The following CREB5 variants were observed in gnomAD, a reference collection of about 807,000 sequenced individuals.
CREB5 encodes cAMP responsive element binding protein 5, also known as cyclic AMP-responsive element-binding protein 5.
In CREB5, 19 loss-of-function variants were observed where a neutral mutation model predicts 57.1. The ratio of observed to expected loss-of-function variants is 0.33; its 90% CI spans 0.23 to 0.49. The LOEUF (loss-of-function observed/expected upper bound fraction) is 0.49. CREB5 is among the 20% of genes least tolerant of loss of function. CREB5 has a pLI of 0.99. For missense variants in CREB5, 579 were observed against 671.6 expected, an observed-to-expected ratio of 0.86 and a Z score of 1.52; for synonymous variants, 238 against 238.3, an observed-to-expected ratio of 1.00 and a Z score of 0.01.
chr7:28,330,670 A>C (rs887499948), intron 1 of CREB5, among the ~76,000 whole-genome samples: 1 of 151,222 alleles, frequency 6.6e-6, no homozygotes, highest in African/African-American at 2.4e-5. Context: ...CTCCCAGCTG[A>C]AGGGCAGGTT....
At chr7:28,802,455 C>A (rs1303756103) in intron 7 of CREB5, among the ~76,000 whole-genome samples, 1 of 152,088 alleles carries the variant, frequency 6.6e-6, no homozygotes, top group African/African-American at 2.4e-5. Flanking sequence ...AGCATAGTAG[C>A]TTTGATCGTC....
At chr7:28,811,992 G>T (rs1809147263) in intron 9 of CREB5, among the ~76,000 whole-genome samples, 1 of 152,166 alleles carries the variant, frequency 6.6e-6, no homozygotes, top group Middle Eastern at 3.2e-3. Context: ...ATCATTCTTT[G>T]TTGTGCCCTG....
intron 1 of CREB5, among the ~76,000 whole-genome samples, chr7:28,356,311 T>A (rs911892216): frequency 6.6e-6 from 1 of 152,246 alleles, no homozygotes; most frequent in African/African-American, 2.4e-5. Flanking sequence ...GCTATCTCAA[T>A]GAAGTGGGTA....
chr7:28,641,624 C>G (rs1798663651), intron 5 of CREB5, among the ~76,000 whole-genome samples: 1 of 152,122 alleles, frequency 6.6e-6, no homozygotes, highest in African/African-American at 2.4e-5. Context: ...ACTAAACACC[C>G]AAAATGTGCT....
chr7:28,706,697 A>G (rs1802123459), intron 5 of CREB5, among the ~76,000 whole-genome samples: 1 of 152,188 alleles, frequency 6.6e-6, no homozygotes, highest in South Asian at 2.1e-4. Flanking sequence ...CTTCATGATA[A>G]GTGCTCTTGC....
chr7:28,324,562 C>T (rs1449390854), intron 1 of CREB5, among the ~76,000 whole-genome samples: 5 of 152,196 alleles, frequency 3.3e-5, no homozygotes, highest in Non-Finnish European at 7.3e-5. Context: ...CTCCTCCTCC[C>T]TGCTAGAGCT....
intron 1 of CREB5, among the ~76,000 whole-genome samples, chr7:28,382,980 T>C (rs922163051): frequency 2.0e-5 from 3 of 152,092 alleles, no homozygotes; most frequent in African/African-American, 4.8e-5. Context: ...ACATTCTATG[T>C]AGGGTTAAGC....
At chr7:28,674,026 T>C (rs1800197837) in intron 5 of CREB5, among the ~76,000 whole-genome samples, 1 of 152,170 alleles carries the variant, frequency 6.6e-6, no homozygotes, top group Non-Finnish European at 1.5e-5. Context: ...ATTAGAGCAG[T>C]GTTTTAACTC....
chr7:28,381,027 A>G (rs1786956649), intron 1 of CREB5, among the ~76,000 whole-genome samples: 1 of 152,128 alleles, frequency 6.6e-6, no homozygotes, highest in Non-Finnish European at 1.5e-5. Context: ...TGGTTTGTTC[A>G]CAGATGCTCA....
At chr7:28,703,830 T>C (rs1156558713) in intron 5 of CREB5, among the ~76,000 whole-genome samples, 4 of 152,186 alleles carry the variant, frequency 2.6e-5, no homozygotes, top group South Asian at 2.1e-4. Flanking sequence ...ACCTTATAGG[T>C]GCACTCAGAA....
chr7:28,624,829 G>A (rs1182387666), intron 5 of CREB5, among the ~76,000 whole-genome samples: 2 of 152,130 alleles, frequency 1.3e-5, no homozygotes, highest in African/African-American at 2.4e-5. Context: ...CTCACTTTGT[G>A]ATATGGGTCA....
chr7:28,560,895 T>TGCGCGCGC, intron 4 of CREB5, among the ~76,000 whole-genome samples: 1 of 26,672 alleles, frequency 3.7e-5, no homozygotes, highest in Non-Finnish European at 7.2e-5. Context: ...TGCGTGTGTG[T>TGCGCGCGC]GCGTGCGCGC....
chr7:28,552,697 T>G (rs1220086052), intron 4 of CREB5, among the ~76,000 whole-genome samples: 1 of 152,194 alleles, frequency 6.6e-6, no homozygotes, highest in Non-Finnish European at 1.5e-5. Flanking sequence ...CTGGCTTCAC[T>G]GGCAGAAAGG....
chr7:28,324,675 T>C (rs932059693), intron 1 of CREB5, among the ~76,000 whole-genome samples: 1 of 152,214 alleles, frequency 6.6e-6, no homozygotes, highest in African/African-American at 2.4e-5. Flanking sequence ...GTCTTCAATA[T>C]AATCTGCACA....
intron 4 of CREB5, among the ~76,000 whole-genome samples, chr7:28,520,192 C>T (rs1402104805): frequency 6.6e-6 from 1 of 152,172 alleles, no homozygotes; most frequent in Non-Finnish European, 1.5e-5. Flanking sequence ...AGCCGTGTTC[C>T]TTCAGTATGA....
intron 5 of CREB5, among the ~76,000 whole-genome samples, chr7:28,595,767 TGA>T (rs1380426561): frequency 1.3e-5 from 2 of 152,168 alleles, no homozygotes; most frequent in Non-Finnish European, 2.9e-5. Flanking sequence ...TGGGAATAAT[TGA>T]GAGATCATAT....
intron 1 of CREB5, among the ~76,000 whole-genome samples, chr7:28,331,936 C>G (rs1785725052): frequency 2.0e-5 from 3 of 151,988 alleles, no homozygotes; most frequent in Admixed American, 6.6e-5. Flanking sequence ...GACCCTCCCC[C>G]AAAAGATATG....
At chr7:28,587,144 G>C (rs1796333475) in intron 5 of CREB5, among the ~76,000 whole-genome samples, 2 of 152,202 alleles carry the variant, frequency 1.3e-5, no homozygotes, top group African/African-American at 4.8e-5. Flanking sequence ...CCAAGAAAAG[G>C]ATTTGAGGAG....
intron 5 of CREB5, among the ~76,000 whole-genome samples, chr7:28,683,398 A>G (rs1038222736): frequency 2.0e-5 from 3 of 152,298 alleles, no homozygotes; most frequent in African/African-American, 7.2e-5. Flanking sequence ...CAACAAGTGC[A>G]AATGTAAATA....
Sources: allele counts gnomAD v4.1 joint callset (sites outside exome capture counted in the v4.1 genomes callset), GRCh38; gene constraint gnomAD v4.1.1; transcripts MANE v1.5; gene names NCBI Gene and HGNC (gene_info 2026-07-23, HGNC 2026-07-21).